RD3: variants seen among roughly 807,000 people sequenced by gnomAD.
RD3 encodes protein RD3.
RD3 carries 11 observed loss-of-function variants against 16.9 expected under a neutral mutation model. The observed-to-expected ratio is 0.65, with a 90% CI of 0.41 to 1.08. The LOEUF (loss-of-function observed/expected upper bound fraction) is 1.08. RD3 is among the 50% of genes least tolerant of loss of function. The pLI is 0.00. For missense variants in RD3, 274 were observed against 267.4 expected, an observed-to-expected ratio of 1.02 and a Z score of -0.17; for synonymous variants, 116 against 114.8, an observed-to-expected ratio of 1.01 and a Z score of -0.07.
At chr1:211,484,230 G>T (rs1441948583) in intron 1 of RD3, among the ~76,000 whole-genome samples, 2 of 152,124 alleles carry the variant, frequency 1.3e-5, no homozygotes, top group African/African-American at 2.4e-5. Flanking sequence ...TCCATCCCTG[G>T]GGCTGGACAT....
At chr1:211,480,757 T>C (rs1705241702) in intron 2 of RD3, among the ~76,000 whole-genome samples, 1 of 152,114 alleles carries the variant, frequency 6.6e-6, no homozygotes, top group African/African-American at 2.4e-5. Flanking sequence ...GAGAAATGTC[T>C]GGAAAACTTC....
rs887732929 is a variant in RD3, at chr1:211,477,485, G to A, written c.*1551C>T. 2.0e-5 allele frequency: 3 copies of A among 151,424 alleles called. No homozygotes were observed. Among genetic ancestry groups the A allele is most frequent in the African/African-American group, 7.3e-5 (3 of 41,198 alleles). 9.4% of individuals were successfully genotyped at this position (151,424 alleles called of 1,614,324 possible). ...AAAAAAAAAAGTTTGGCAACCAAGTGAACTTTTTATGTCTTCAAATAAAAT... is the reference window on the plus strand; with the variant it reads ...AAAAAAAAAAGTTTGGCAACCAAGTAAACTTTTTATGTCTTCAAATAAAAT... On this transcript the variant is annotated 3_prime_UTR_variant, in exon 3 of 3. Coordinates refer to ENST00000680073, the MANE Select transcript of RD3 (RefSeq NM_001164688.2).
intron 1 of RD3, among the ~76,000 whole-genome samples, chr1:211,490,432 G>T (rs963008399): frequency 6.6e-6 from 1 of 152,252 alleles, no homozygotes; most frequent in African/African-American, 2.4e-5. Flanking sequence ...AGGGTGAGGG[G>T]CTGCCCTGTG....
Position 211,492,054 on chromosome 1 carries a change from T to C in RD3, c.-298A>G, listed in dbSNP as rs1360848661. 1 of 63,414 alleles carries C rather than the reference T, an allele frequency of 1.6e-5. No homozygotes were observed. Among genetic ancestry groups the C allele is most frequent in the Non-Finnish European group, 2.8e-5 (1 of 35,760 alleles). The allele number at this position is 63,414 out of a possible 1,614,324, so 3.9% of individuals were successfully genotyped here. On this transcript the variant is annotated 5_prime_UTR_variant, in exon 1 of 3. Transcript: ENST00000680073. ...ATTGTTTGTGGGGTGTGTAGGTGTG[T>C]GTGTGTGTGTGTGTGTGTGTGTGTG...
chr1:211,481,945 A>G (rs867440782), intron 1 of RD3, among the ~76,000 whole-genome samples: 1 of 152,224 alleles, frequency 6.6e-6, no homozygotes. Context: ...GGGGTTGGCC[A>G]GCCATGGTGG....
chr1:211,478,823 G>T lies in RD3; in HGVS notation c.*213C>A. 1 of 576,644 alleles carries T rather than the reference G, an allele frequency of 1.7e-6. No homozygotes were observed. Among genetic ancestry groups the T allele is most frequent in the Non-Finnish European group, 3.1e-6 (1 of 326,602 alleles). The allele number at this position is 576,644 out of a possible 1,614,324, so 35.7% of individuals were successfully genotyped here. ...GACTAGCGCAGGAGAGGGAGAGGGC[G>T]GTGCCGCTCTACGACCTAACTCAGC... On this transcript the variant is annotated 3_prime_UTR_variant, in exon 3 of 3. Coordinates refer to ENST00000680073, the MANE Select transcript of RD3 (RefSeq NM_001164688.2).
At chr1:211,479,353 G>A (rs1187381698) in intron 2 of RD3, 26 bp from the exon 3 acceptor site, 15 of 1,588,696 alleles carry the variant, frequency 9.4e-6, no homozygotes, top group Non-Finnish European at 1.2e-5. Context: ...GGGCGCTGGG[G>A]ACATTCACCC....
Position 211,479,002 on chromosome 1 carries a change from A to G in RD3, c.*34T>C, listed in dbSNP as rs570021034. 1.3e-5 allele frequency: 21 copies of G among 1,561,830 alleles called. 1 individual carries two copies. The South Asian group carries it at 2.4e-4, about 18-fold the overall frequency. The stretch of plus-strand genomic sequence containing the variant: ...CACCGGCCTATCATTCCCCCTGCAG[A>G]AGGCTCCGCTTCTGGGCAGGGAAGC... On this transcript the variant is annotated 3_prime_UTR_variant, in exon 3 of 3. Coordinates refer to ENST00000680073, the MANE Select transcript of RD3 (RefSeq NM_001164688.2).
intron 2 of RD3, among the ~76,000 whole-genome samples, chr1:211,479,706 C>A (rs1705224268): frequency 6.6e-6 from 1 of 152,232 alleles, no homozygotes; most frequent in African/African-American, 2.4e-5. Flanking sequence ...CCTGTCTCTT[C>A]TCCACCCACT....
intron 1 of RD3, 82 bp from the exon 2 acceptor site, chr1:211,481,508 G>C (rs1169180703): frequency 1.5e-6 from 2 of 1,355,178 alleles, no homozygotes; most frequent in Non-Finnish European, 2.1e-6. Flanking sequence ...AAGGGGGAGA[G>C]AGGAGAGCTG....
Position 211,478,347 on chromosome 1 carries a change from C to T in RD3, c.*689G>A. 2.5e-6 allele frequency: 1 copy of T among 396,034 alleles called. No homozygotes were observed. Among genetic ancestry groups the T allele is most frequent in the Non-Finnish European group, 4.4e-6 (1 of 225,046 alleles). 24.5% of individuals were successfully genotyped at this position (396,034 alleles called of 1,614,324 possible). On this transcript the variant is annotated 3_prime_UTR_variant, in exon 3 of 3. Coordinates refer to ENST00000680073, the MANE Select transcript of RD3 (RefSeq NM_001164688.2). ...GTAGAGATGTAGCCTTTGGACCTGTCCCTTCATAGCCCAGGATTCCAAACT... is the reference window on the plus strand; with the variant it reads ...GTAGAGATGTAGCCTTTGGACCTGTTCCTTCATAGCCCAGGATTCCAAACT...
In RD3 at chr1:211,492,048, GGTGTGT is replaced by G. The variant is rs34485370; in HGVS notation, c.-298_-293del. 0.07 allele frequency: 9,621 copies of G among 137,860 alleles called. 850 individuals carry two copies. The highest frequency in any genetic ancestry group is 0.21 in the African/African-American group (7,898 of 37,048). 8.5% of individuals were successfully genotyped at this position (137,860 alleles called of 1,614,324 possible). A position where few individuals can be genotyped will look rare whatever the true frequency, so the allele number is the denominator to read the frequency against. ...TGGACTATTGTTTGTGGGGTGTGTAGGTGTGTGTGTGTGTGTGTGTGTGTGTGTGTG... is the reference window on the plus strand; with the variant it reads ...TGGACTATTGTTTGTGGGGTGTGTAGGTGTGTGTGTGTGTGTGTGTGTGTG... On this transcript the variant is annotated 5_prime_UTR_variant, in exon 1 of 3. Transcript: ENST00000680073.
In RD3 at chr1:211,479,327, C is replaced by T. The variant is rs575487939; in HGVS notation, c.297G>A (p.Arg99=). 5 of 1,602,464 alleles carry T rather than the reference C, an allele frequency of 3.1e-6. No homozygotes were observed. The highest frequency in any genetic ancestry group is 4.3e-6 in the Non-Finnish European group (5 of 1,175,034). Residue 99 remains arginine, a splice_region_variant and synonymous_variant, in exon 3 of 3, where the codon AGG becomes AGA. Transcript: ENST00000680073. ...CCTGCTCCGCCAGCAGCTGCCGGAA[C>T]CTGGGCGGGAGGGGAGGGCGCTGGG... ...HPSYCGPAIL[R]FRQLLAEQEP...
At chr1:211,481,645 A>C (rs1424203115) in intron 1 of RD3, among the ~76,000 whole-genome samples, 1 of 152,222 alleles carries the variant, frequency 6.6e-6, no homozygotes, top group Non-Finnish European at 1.5e-5. Context: ...AGCAGTTGTG[A>C]ATAAACTTTG....
chr1:211,485,155 G>A (rs1230775892), intron 1 of RD3, among the ~76,000 whole-genome samples: 1 of 152,174 alleles, frequency 6.6e-6, no homozygotes, highest in Admixed American at 6.5e-5. Flanking sequence ...TGAGCTGGCC[G>A]CTAGAGAAGG....
chr1:211,490,706 A>G (rs1705474011), intron 1 of RD3, among the ~76,000 whole-genome samples: 1 of 152,128 alleles, frequency 6.6e-6, no homozygotes, highest in Non-Finnish European at 1.5e-5. Flanking sequence ...ATAATCCACC[A>G]AGCCAGATAT....
At chr1:211,483,658 A>T (rs1379819588) in intron 1 of RD3, among the ~76,000 whole-genome samples, 2 of 123,626 alleles carry the variant, frequency 1.6e-5, no homozygotes, top group Admixed American at 8.6e-5. Flanking sequence ...CAGAATAAAG[A>T]GGTTGGGTAG....
Position 211,481,111 on chromosome 1 carries a change from A to G in RD3, c.296+9T>C. On this transcript the variant is annotated intron_variant, in intron 2 of 2. Transcript: ENST00000680073. ...GCAGCCCAGCAAGGGTCCCCATCCCAGTGCTCACCTGAGGATAGCAGGCCC... is the reference window on the plus strand; with the variant it reads ...GCAGCCCAGCAAGGGTCCCCATCCCGGTGCTCACCTGAGGATAGCAGGCCC... 2 of 1,613,824 alleles carry G rather than the reference A, an allele frequency of 1.2e-6. No homozygotes were observed. The highest frequency in any genetic ancestry group is 1.1e-5 in the South Asian group (1 of 91,044).
At chr1:211,479,357 T>C in intron 2 of RD3, 30 bp from the exon 3 acceptor site, 2 of 1,585,654 alleles carry the variant, frequency 1.3e-6, no homozygotes, top group South Asian at 2.3e-5. Context: ...GCTGGGGACA[T>C]TCACCCACAA....
Sources: gnomAD v4.1 joint callset for allele counts (sites outside exome capture counted in the v4.1 genomes callset) on GRCh38, gnomAD v4.1.1 for gene constraint, MANE v1.5 for transcripts, NCBI Gene and HGNC (gene_info 2026-07-23, HGNC 2026-07-21) for gene names.